NELL2: variants seen among roughly 807,000 people sequenced by gnomAD.
NELL2 encodes neural EGFL like 2.
Under a neutral mutation model 109.6 loss-of-function variants are expected in NELL2, and 41 were observed. The ratio of observed to expected loss-of-function variants is 0.37; its 90% CI spans 0.29 to 0.49. The LOEUF (loss-of-function observed/expected upper bound fraction) is 0.49. Among genes scored for constraint, NELL2 ranks in the 20% least tolerant of loss-of-function variants. The probability of loss-of-function intolerance (pLI) is 0.98; values close to 1 mark genes in which losing one functional copy is unlikely to be tolerated. For missense variants in NELL2, 900 were observed against 1,008.3 expected (o/e 0.89, Z 1.45); for synonymous variants, 355 against 344.7 (o/e 1.03, Z -0.33).
intron 15 of NELL2, among the ~76,000 whole-genome samples, chr12:44,548,955 T>C (rs569119368): frequency 1.3e-5 from 2 of 152,312 alleles, no homozygotes; most frequent in East Asian, 1.9e-4. Context: ...ACTATGAAGA[T>C]AACCTCTGTA....
intron 12 of NELL2, among the ~76,000 whole-genome samples, chr12:44,694,520 AACACACACACAC>A (rs60024794): frequency 2.1e-5 from 3 of 144,308 alleles, no homozygotes; most frequent in Non-Finnish European, 4.6e-5. Flanking sequence ...CACACATACA[AACACACACACAC>A]ACACACACAC....
At chr12:44,854,404 A>T (rs79325425) in intron 2 of NELL2, among the ~76,000 whole-genome samples, 2,803 of 152,340 alleles carry the variant, frequency 0.018, 49 homozygotes, top group East Asian at 0.049. Context: ...GATGCTCTTT[A>T]GGAGGGAACT....
chr12:44,658,608 A>C (rs886877849), intron 13 of NELL2, among the ~76,000 whole-genome samples: 6 of 152,156 alleles, frequency 3.9e-5, no homozygotes, highest in African/African-American at 1.4e-4. Context: ...TTCATATGGA[A>C]CCAAAAAAGA....
At chr12:44,682,415 T>G (rs368237959) in intron 12 of NELL2, among the ~76,000 whole-genome samples, 209 of 152,186 alleles carry the variant, frequency 1.4e-3, no homozygotes, top group African/African-American at 4.7e-3. Context: ...AGAAGCTCTT[T>G]AGTTGAATTA....
chr12:44,763,800 A>C (rs1941219035), intron 9 of NELL2, among the ~76,000 whole-genome samples: 1 of 152,176 alleles, frequency 6.6e-6, no homozygotes, highest in Non-Finnish European at 1.5e-5. Flanking sequence ...GCTTATGGAA[A>C]ATGCATTATC....
At chr12:44,807,335 A>ACG (rs1325069396) in intron 3 of NELL2, among the ~76,000 whole-genome samples, 2 of 136,106 alleles carry the variant, frequency 1.5e-5, no homozygotes, top group East Asian at 4.0e-4. Context: ...CTCTTTACAC[A>ACG]CACACACACA....
At chr12:44,661,545 A>G (rs1432896922) in intron 13 of NELL2, among the ~76,000 whole-genome samples, 1 of 152,074 alleles carries the variant, frequency 6.6e-6, no homozygotes, top group African/African-American at 2.4e-5. Flanking sequence ...GTGACATGTG[A>G]CTCAGATATT....
chr12:44,697,318 C>G (rs952419266), intron 12 of NELL2, among the ~76,000 whole-genome samples: 1 of 152,156 alleles, frequency 6.6e-6, no homozygotes, highest in Non-Finnish European at 1.5e-5. Context: ...CCAGCCCTGA[C>G]CAGGATGTCA....
Position 44,703,868 on chromosome 12 carries a change from AAG to A in NELL2, c.1190-16_1190-15del, listed in dbSNP as rs771390664. The A allele has an allele frequency of 2.2e-5, 36 of 1,602,062 alleles. No homozygotes were observed. The highest frequency in any genetic ancestry group is 2.7e-5 in the Non-Finnish European group (32 of 1,175,634). ...AAAAGTCATAACCTACAGAAAAAAA[AAG>A]AAATTTATTAAGGTAAATGAAACTA... On this transcript the variant is annotated splice_polypyrimidine_tract_variant and intron_variant, in intron 11 of 19. Coordinates refer to ENST00000429094, the MANE Select transcript of NELL2 (RefSeq NM_001145108.2).
At chr12:44,643,501 A>G (rs1269541818) in intron 13 of NELL2, among the ~76,000 whole-genome samples, 3 of 152,174 alleles carry the variant, frequency 2.0e-5, no homozygotes, top group Non-Finnish European at 2.9e-5. Context: ...TTCCAAAGGG[A>G]AAAAAAAGAT....
intron 2 of NELL2, among the ~76,000 whole-genome samples, chr12:44,836,964 C>T (rs1008009488): frequency 4.6e-5 from 7 of 152,122 alleles, no homozygotes; most frequent in African/African-American, 1.4e-4. Context: ...AGGAAGCAGA[C>T]GTCACCTCAC....
chr12:44,519,949 A>C (rs1215540169), intron 19 of NELL2, 56 bp downstream of exon 19: 1 of 1,467,346 alleles, frequency 6.8e-7, no homozygotes, highest in Admixed American at 1.7e-5. Context: ...ATTATTATCT[A>C]TGAGCCCTGG....
intron 8 of NELL2, among the ~76,000 whole-genome samples, chr12:44,775,050 T>C (rs559511352): frequency 2.0e-5 from 3 of 152,276 alleles, no homozygotes; most frequent in African/African-American, 7.2e-5. Flanking sequence ...GGAATTTGAT[T>C]CCTAAAGGTG....
At chr12:44,901,191 G>C (rs181840042) in intron 1 of NELL2, among the ~76,000 whole-genome samples, 1 of 151,904 alleles carries the variant, frequency 6.6e-6, no homozygotes, top group African/African-American at 2.4e-5. Flanking sequence ...GAATCAAATA[G>C]ACACAATAAA....
chr12:44,809,551 C>G (rs750129133), intron 3 of NELL2, among the ~76,000 whole-genome samples: 1 of 152,030 alleles, frequency 6.6e-6, no homozygotes, highest in Non-Finnish European at 1.5e-5. Context: ...TCTTTTTACA[C>G]TGTGCTCACA....
intron 2 of NELL2, among the ~76,000 whole-genome samples, chr12:44,839,156 C>T (rs1944145495): frequency 6.6e-6 from 1 of 152,124 alleles, no homozygotes; most frequent in Non-Finnish European, 1.5e-5. Flanking sequence ...TTCCTGTATA[C>T]TATCTGTGAA....
chr12:44,830,436 A>G lies in NELL2; in HGVS notation c.185-14300T>C, dbSNP rs552260487. Among the ~76,000 whole-genome samples, 22 of 152,334 alleles carry G rather than the reference A, an allele frequency of 1.4e-4. No individual in the cohort carries two copies. The South Asian group carries it at 4.6e-3, about 32-fold the overall frequency. On this transcript the variant is annotated intron_variant, in intron 2 of 19. Coordinates refer to ENST00000429094, the MANE Select transcript of NELL2 (RefSeq NM_001145108.2). ...ATAACAAGACACCAAAATATCAGTT[A>G]TCATGATTAATCACCCTATCAAAAT... is the stretch of plus-strand genomic sequence containing the variant.
At chr12:44,613,158 T>C (rs149819617) in intron 13 of NELL2, among the ~76,000 whole-genome samples, 10 of 152,230 alleles carry the variant, frequency 6.6e-5, no homozygotes, top group African/African-American at 2.4e-4. Context: ...TGTGCGAAGA[T>C]ACCTTAGTCT....
chr12:44,669,327 A>C (rs767013090), intron 12 of NELL2, among the ~76,000 whole-genome samples: 11 of 152,228 alleles, frequency 7.2e-5, no homozygotes, highest in Non-Finnish European at 1.3e-4. Flanking sequence ...AAGACATAAG[A>C]AACATGAAAA....
Sources: allele counts gnomAD v4.1 joint callset (sites outside exome capture counted in the v4.1 genomes callset), GRCh38; gene constraint gnomAD v4.1.1; transcripts MANE v1.5; gene names NCBI Gene and HGNC (gene_info 2026-07-23, HGNC 2026-07-21).